ASIC2: variants seen among roughly 807,000 people sequenced by gnomAD.
ASIC2 encodes the protein acid-sensing ion channel 2.
ASIC2 carries 25 observed loss-of-function variants against 57.3 expected under a neutral mutation model. That is an observed-to-expected ratio of 0.44 (90% CI 0.32 to 0.61). The LOEUF (loss-of-function observed/expected upper bound fraction) is 0.61. ASIC2 is among the 20% of genes least tolerant of loss of function. The probability of loss-of-function intolerance (pLI) is 0.06; values close to 1 mark genes in which losing one functional copy is unlikely to be tolerated. For synonymous variants in ASIC2, 319 were observed against 307.5 expected, an observed-to-expected ratio of 1.04 and a Z score of -0.39; for missense variants, 641 against 738.1, an observed-to-expected ratio of 0.87 and a Z score of 1.52.
intron 3 of ASIC2, among the ~76,000 whole-genome samples, chr17:33,076,687 T>G (rs1461849356): frequency 6.6e-6 from 1 of 152,220 alleles, no homozygotes. Flanking sequence ...TATGTATTGT[T>G]CCGCAATTTG....
intron 1 of ASIC2, among the ~76,000 whole-genome samples, chr17:33,682,216 T>C (rs1026106039): frequency 4.0e-5 from 6 of 148,922 alleles, no homozygotes; most frequent in Admixed American, 2.7e-4. Context: ...CCCGCCACCA[T>C]GCCTGGCTAA....
chr17:33,940,028 C>G (rs1426154698), intron 1 of ASIC2, among the ~76,000 whole-genome samples: 2 of 152,136 alleles, frequency 1.3e-5, no homozygotes, highest in African/African-American at 4.8e-5. Context: ...GAGAAAAGGG[C>G]CTACCCTGCG....
upstream of ASIC2, among the ~76,000 whole-genome samples, chr17:33,296,332 C>T (rs1460299518): frequency 1.3e-5 from 2 of 152,146 alleles, no homozygotes; most frequent in African/African-American, 4.8e-5. Context: ...CAGGTAGTCA[C>T]TCCATCCCTG....
chr17:33,083,959 G>A (rs147807407), intron 3 of ASIC2, among the ~76,000 whole-genome samples: 52 of 152,258 alleles, frequency 3.4e-4, no homozygotes, highest in African/African-American at 1.2e-3. Context: ...AGAGTTTTAG[G>A]CTACTCCACC....
intron 1 of ASIC2, among the ~76,000 whole-genome samples, chr17:33,778,547 A>G (rs959717404): frequency 1.3e-5 from 2 of 152,192 alleles, no homozygotes; most frequent in Non-Finnish European, 2.9e-5. Flanking sequence ...GGGGATAAAC[A>G]CTTGTCACCA....
chr17:34,112,915 G>T (rs1249025551), intron 1 of ASIC2, among the ~76,000 whole-genome samples: 1 of 152,154 alleles, frequency 6.6e-6, no homozygotes, highest in Non-Finnish European at 1.5e-5. Flanking sequence ...CTAGGCTTGG[G>T]TTGCGTCAAT....
chr17:33,660,770 C>T (rs1567681905), intron 1 of ASIC2, among the ~76,000 whole-genome samples: 3 of 152,216 alleles, frequency 2.0e-5, no homozygotes, highest in African/African-American at 7.2e-5. Context: ...TAGACTCTTA[C>T]GGAACCACTG....
At chr17:33,408,915 C>G (rs1490360486) in intron 1 of ASIC2, among the ~76,000 whole-genome samples, 1 of 152,156 alleles carries the variant, frequency 6.6e-6, no homozygotes, top group African/African-American at 2.4e-5. Context: ...TGTGTACAGA[C>G]AGAATATTCC....
chr17:33,803,385 A>G (rs1271443237), intron 1 of ASIC2, among the ~76,000 whole-genome samples: 4 of 152,080 alleles, frequency 2.6e-5, no homozygotes, highest in East Asian at 1.9e-4. Context: ...AGAGATTTGC[A>G]TACATGTGGA....
At chr17:34,031,816 A>T (rs528635071) in intron 1 of ASIC2, among the ~76,000 whole-genome samples, 6 of 152,230 alleles carry the variant, frequency 3.9e-5, no homozygotes, top group Admixed American at 2.6e-4. Flanking sequence ...TAGAGAAAAA[A>T]GAATAAAAAG....
intron 1 of ASIC2, among the ~76,000 whole-genome samples, chr17:33,791,367 T>C (rs1911765416): frequency 1.3e-5 from 2 of 152,136 alleles, no homozygotes; most frequent in Non-Finnish European, 2.9e-5. Context: ...CATCAGGGTG[T>C]AAATAGGCTA....
At chr17:33,509,655 C>A (rs551056452) in intron 1 of ASIC2, among the ~76,000 whole-genome samples, 2 of 152,180 alleles carry the variant, frequency 1.3e-5, no homozygotes, top group African/African-American at 2.4e-5. Flanking sequence ...CAAGTCAGGC[C>A]CCGCAGAGAG....
chr17:33,858,461 G>T (rs1438111957), intron 1 of ASIC2, among the ~76,000 whole-genome samples: 1 of 152,198 alleles, frequency 6.6e-6, no homozygotes. Context: ...CTCAACTACA[G>T]AAATGAATTT....
At chr17:33,596,030 A>G (rs7208438) in intron 1 of ASIC2, among the ~76,000 whole-genome samples, 7,649 of 152,244 alleles carry the variant, frequency 0.05, 245 homozygotes, top group African/African-American at 0.088. Flanking sequence ...AGCTGGGCCA[A>G]TTAAGCTGCA....
At chr17:33,387,382 A>G (rs1446746542) in intron 1 of ASIC2, among the ~76,000 whole-genome samples, 2 of 152,230 alleles carry the variant, frequency 1.3e-5, no homozygotes, top group Non-Finnish European at 2.9e-5. Context: ...TCTTTTCTCA[A>G]TCAGATGTCC....
At chr17:34,108,078 T>G (rs1323372309) in intron 1 of ASIC2, among the ~76,000 whole-genome samples, 1 of 152,182 alleles carries the variant, frequency 6.6e-6, no homozygotes. Flanking sequence ...CATTTGTATC[T>G]CGCTTTTTTT....
chr17:33,145,240 G>T (rs1049402590), intron 1 of ASIC2, among the ~76,000 whole-genome samples: 2 of 152,206 alleles, frequency 1.3e-5, no homozygotes, highest in African/African-American at 4.8e-5. Flanking sequence ...TTCCAGCTCA[G>T]GTCTGCACCC....
intron 1 of ASIC2, among the ~76,000 whole-genome samples, chr17:33,778,419 T>C (rs1477989719): frequency 6.6e-6 from 1 of 152,164 alleles, no homozygotes; most frequent in Admixed American, 6.5e-5. Flanking sequence ...TATCAGCAGA[T>C]AGGCAAAAAA....
chr17:33,041,091 C>G (rs2091928227), intron 3 of ASIC2, among the ~76,000 whole-genome samples: 1 of 152,144 alleles, frequency 6.6e-6, no homozygotes, highest in African/African-American at 2.4e-5. Flanking sequence ...ATCTCCAGAG[C>G]CCTGGAGCCT....
Sources: allele counts gnomAD v4.1 joint callset (sites outside exome capture counted in the v4.1 genomes callset), GRCh38; gene constraint gnomAD v4.1.1; transcripts MANE v1.5; gene names NCBI Gene and HGNC (gene_info 2026-07-23, HGNC 2026-07-21).